Variants in CAND1 observed in about 807,000 individuals in gnomAD.
CAND1 encodes cullin associated and neddylation dissociated 1.
A neutral mutation model predicts 108.5 loss-of-function variants in CAND1; 7 were observed. The observed-to-expected ratio is 0.06, with a 90% CI of 0.04 to 0.12. The LOEUF is 0.12. Among genes scored for constraint, CAND1 ranks in the 10% least tolerant of loss-of-function variants. CAND1 has a pLI of 1.00. For synonymous variants in CAND1, 534 were observed against 512.0 expected (o/e 1.04, Z -0.58); for missense variants, 941 against 1,448.7 (o/e 0.65, Z 5.69).
At position 67,291,489 on chromosome 12, in the gene CAND1, A is replaced by G. The variant is rs539498380; in HGVS notation, c.213-1133A>G. 1.4e-4 allele frequency among the ~76,000 whole-genome samples: 21 copies of G among 152,330 alleles called. 2 individuals are homozygous for G. In the South Asian group the frequency reaches 2.7e-3, roughly 20 times the overall value. On this transcript the variant is annotated intron_variant, in intron 2 of 14. Coordinates refer to ENST00000545606, the MANE Select transcript of CAND1 (RefSeq NM_018448.5). The stretch of plus-strand genomic sequence containing the variant: ...TCCTTTATCTGAAATGCTTGTGACC[A>G]GAGTGTTTCATATTTTGTATTTTTC...
At chr12:67,277,008 C>G (rs2044576058) in intron 1 of CAND1, among the ~76,000 whole-genome samples, 2 of 152,182 alleles carry the variant, frequency 1.3e-5, no homozygotes. Flanking sequence ...GTTTATTCAT[C>G]TGATGTGACA....
At position 67,269,482 on chromosome 12, in the gene CAND1, G is replaced by GCTGAGA; in HGVS notation, c.-235_-234insTGAGAC. The GCTGAGA allele has an allele frequency of 1.9e-6, 1 of 521,244 alleles. No individual in the cohort carries two copies. The highest frequency in any genetic ancestry group is 2.5e-5 in the South Asian group (1 of 40,740). 32.3% of individuals were successfully genotyped at this position (521,244 alleles called of 1,614,324 possible). On this transcript the variant is annotated 5_prime_UTR_variant, in exon 1 of 15. Coordinates refer to ENST00000545606, the MANE Select transcript of CAND1 (RefSeq NM_018448.5). ...CCATGAGCTCGTTCTCACGCGAACA[G>GCTGAGA]CGCCGTCGTTAGGCTGGCTCTGTAG...
chr12:67,278,686 T>C lies in CAND1; in HGVS notation c.69-3224T>C, dbSNP rs199692105. ...GGTGTACACCACCACACCCAGCTAA[T>C]TTTTGTAATTTTAGTAGAGACAGGG... On this transcript the variant is annotated intron_variant, in intron 1 of 14. Coordinates refer to ENST00000545606, the MANE Select transcript of CAND1 (RefSeq NM_018448.5). Among the ~76,000 whole-genome samples, 5 of 151,466 alleles carry C rather than the reference T, an allele frequency of 3.3e-5. No homozygotes were observed. The East Asian group carries it at 9.9e-4, about 30-fold the overall frequency.
chr12:67,302,019 A>G (rs750233857), intron 7 of CAND1, among the ~76,000 whole-genome samples: 1 of 152,224 alleles, frequency 6.6e-6, no homozygotes, highest in South Asian at 2.1e-4. Flanking sequence ...AAGAAGTTGA[A>G]TGTGTTAATT....
At position 67,308,225 on chromosome 12, in the gene CAND1, T is replaced by C. The variant is rs564686144; in HGVS notation, c.3025+733T>C. Among the ~76,000 whole-genome samples, 54 of 152,202 alleles carry C rather than the reference T, an allele frequency of 3.5e-4. 1 individual carries two copies. The highest frequency in any genetic ancestry group is 1.8e-3 in the Admixed American group (28 of 15,276). Reference sequence around the variant, plus strand: ...GATTTGGCAAAGAAGCTTTGTAGCTTTGTGCCATTCTTCAGTGTGCCAGAA... The same window carrying C: ...GATTTGGCAAAGAAGCTTTGTAGCTCTGTGCCATTCTTCAGTGTGCCAGAA... On this transcript the variant is annotated intron_variant, in intron 11 of 14. Transcript: ENST00000545606.
chr12:67,285,041 G>A (rs541673428), intron 2 of CAND1, among the ~76,000 whole-genome samples: 1 of 152,272 alleles, frequency 6.6e-6, no homozygotes, highest in South Asian at 2.1e-4. Flanking sequence ...TACAAAGTTA[G>A]TAGCTTTTCA....
rs1436918888 is a variant in CAND1 at position 67,313,464 on chromosome 12, C to T, written c.*634C>T. 2.6e-5 allele frequency: 4 copies of T among 152,520 alleles called. No individual in the cohort carries two copies. Among genetic ancestry groups the T allele is most frequent in the African/African-American group, 9.7e-5 (4 of 41,432 alleles). The allele number at this position is 152,520 out of a possible 1,614,324, so 9.4% of individuals were successfully genotyped here. On this transcript the variant is annotated 3_prime_UTR_variant, in exon 15 of 15. Coordinates refer to ENST00000545606, the MANE Select transcript of CAND1 (RefSeq NM_018448.5). ...CAAATATGTATCGTCTGTAAAGCAG[C>T]ATGTGCAGATTATTCATAATATAGA...
intron 1 of CAND1, among the ~76,000 whole-genome samples, chr12:67,273,281 A>G (rs936882548): frequency 6.6e-6 from 1 of 152,092 alleles, no homozygotes; most frequent in Non-Finnish European, 1.5e-5. Flanking sequence ...CATTTGTACC[A>G]GTGTATATAG....
Position 67,313,959 on chromosome 12 carries a change from A to G in CAND1, c.*1129A>G, listed in dbSNP as rs1199240144. On this transcript the variant is annotated 3_prime_UTR_variant, in exon 15 of 15. Transcript: ENST00000545606. The stretch of plus-strand genomic sequence containing the variant: ...TACATATTGTATTGGGTAAGTGTTC[A>G]CTACTTTTCCTGATTAAGGGATCTG... 10 of 152,544 alleles carry G rather than the reference A, an allele frequency of 6.6e-5. No individual in the cohort carries two copies. Among genetic ancestry groups the G allele is most frequent in the Admixed American group, 5.9e-4 (9 of 15,268 alleles). 9.4% of individuals were successfully genotyped at this position (152,544 alleles called of 1,614,324 possible). A position where few individuals can be genotyped will look rare whatever the true frequency, so the allele number is the denominator to read the frequency against.
chr12:67,294,610 C>T (rs551551589), intron 3 of CAND1, among the ~76,000 whole-genome samples: 11 of 152,180 alleles, frequency 7.2e-5, no homozygotes, highest in African/African-American at 1.9e-4. Flanking sequence ...GCATAGTTAT[C>T]TATCTACTAT....
At chr12:67,301,520 A>C (rs2044824520) in intron 7 of CAND1, among the ~76,000 whole-genome samples, 1 of 152,180 alleles carries the variant, frequency 6.6e-6, no homozygotes, top group Non-Finnish European at 1.5e-5. Context: ...GTTAGAAAGA[A>C]AGATTTTCTG....
rs1440057192 is a variant in CAND1 at position 67,317,465 on chromosome 12, CTTTCTTAATTTTTTTTTTTTTTT to C, written c.*4639_*4661del. The C allele has an allele frequency of 7.2e-6, 1 of 139,160 alleles. No individual in the cohort carries two copies. Among genetic ancestry groups the C allele is most frequent in the Non-Finnish European group, 1.6e-5 (1 of 64,224 alleles). 8.6% of individuals were successfully genotyped at this position (139,160 alleles called of 1,614,324 possible). A position where few individuals can be genotyped will look rare whatever the true frequency, so the allele number is the denominator to read the frequency against. ...GTTGATTTCTTTTTTCTTTTTTTTT[CTTTCTTAATTTTTTTTTTTTTTT>C]TTTTTTTTGAGATTGATGGAGTCTT... is the stretch of plus-strand genomic sequence containing the variant. On this transcript the variant is annotated 3_prime_UTR_variant, in exon 15 of 15. Transcript: ENST00000545606.
intron 2 of CAND1, among the ~76,000 whole-genome samples, chr12:67,284,133 T>G (rs1444259678): frequency 6.6e-6 from 1 of 152,094 alleles, no homozygotes; most frequent in Non-Finnish European, 1.5e-5. Flanking sequence ...CAGAAATATT[T>G]CACACGTCTT....
chr12:67,305,193 TCTC>T lies in CAND1; in HGVS notation c.1529_1531del (p.Pro510del). The T allele has an allele frequency of 1.2e-6, 2 of 1,614,118 alleles. No individual in the cohort carries two copies. Among genetic ancestry groups the T allele is most frequent in the Non-Finnish European group, 1.7e-6 (2 of 1,179,992 alleles). ...TCTATACGTAATCCTCTGTAACCAT[TCTC>T]CTCAAGTCTTCCATCCTCACGTTCA... On this transcript the variant is annotated inframe_deletion, in exon 10 of 15. Coordinates refer to ENST00000545606, the MANE Select transcript of CAND1 (RefSeq NM_018448.5). The surrounding 1 kb of genome is among the most constrained non-coding windows in gnomAD (Gnocchi z 4.4).
intron 13 of CAND1, chr12:67,310,827 A>G (rs146509844): frequency 6.6e-6 from 1 of 152,226 alleles, no homozygotes; most frequent in African/African-American, 2.4e-5. Context: ...GAATTTTGTT[A>G]TAGGACATGG....
Position 67,305,134 on chromosome 12 carries a change from G to A in CAND1, c.1466G>A (p.Ser489Asn), listed in dbSNP as rs777610313. ...ATTTTCTCACTGAATGATAAATCAA[G>A]CTCATCGAATTTGAAGATCGATGCT... ...GIIFSLNDKSSSSNLKIDALS... is the reference protein window; with the variant it reads ...GIIFSLNDKSNSSNLKIDALS... Residue 489 changes from serine (S) to asparagine (N), a missense_variant, in exon 10 of 15, where the codon AGC (serine) becomes AAC (asparagine). Coordinates refer to ENST00000545606, the MANE Select transcript of CAND1 (RefSeq NM_018448.5). This position sits in a 1 kb window ranked among gnomAD's most constrained non-coding sequence, Gnocchi z 4.4. 6.2e-7 allele frequency: 1 copy of A among 1,610,912 alleles called. No homozygotes were observed. Among genetic ancestry groups the A allele is most frequent in the Non-Finnish European group, 8.5e-7 (1 of 1,178,338 alleles).
rs1352813778 is a variant in CAND1 at position 67,269,692 on chromosome 12, C to T, written c.-26C>T. 6.3e-7 allele frequency: 1 copy of T among 1,591,138 alleles called. No individual in the cohort carries two copies. Among genetic ancestry groups the T allele is most frequent in the Non-Finnish European group, 8.5e-7 (1 of 1,170,426 alleles). On this transcript the variant is annotated 5_prime_UTR_variant, in exon 1 of 15. Transcript: ENST00000545606. ...CAGCGGGCAGCAGCTCCAGCAGCGC[C>T]AGCAGGCGGGATCGAGGCCGTCAAC...
chr12:67,301,009 G>A (rs909992120), intron 7 of CAND1, among the ~76,000 whole-genome samples: 2 of 151,964 alleles, frequency 1.3e-5, no homozygotes, highest in Non-Finnish European at 2.9e-5. Flanking sequence ...CGTAATTTTA[G>A]TGAATAAGGA....
intron 2 of CAND1, among the ~76,000 whole-genome samples, chr12:67,285,209 T>G (rs1203867449): frequency 6.6e-6 from 1 of 152,198 alleles, no homozygotes; most frequent in African/African-American, 2.4e-5. Flanking sequence ...TAGTGTAAGG[T>G]AAGATTACAG....
Sources: allele counts gnomAD v4.1 joint callset (sites outside exome capture counted in the v4.1 genomes callset), GRCh38; gene constraint gnomAD v4.1.1; non-coding constraint Gnocchi (gnomAD v3.1); transcripts MANE v1.5; gene names NCBI Gene and HGNC (gene_info 2026-07-23, HGNC 2026-07-21).